Variants in OTOF observed in about 807,000 individuals in gnomAD.
OTOF encodes fer-1-like family member 2.
In OTOF, 218 loss-of-function variants were observed where a neutral mutation model predicts 236.8. The ratio of observed to expected loss-of-function variants is 0.92; its 90% CI spans 0.82 to 1.03. The LOEUF (loss-of-function observed/expected upper bound fraction) is 1.03, where lower values mean the gene tolerates loss of function less well. Among genes scored for constraint, OTOF ranks in the 50% least tolerant of loss-of-function variants. The pLI is 0.00. For missense variants in OTOF, 2,590 were observed against 2,694.4 expected (o/e 0.96, Z 0.86); for synonymous variants, 1,041 against 1,072.5 (o/e 0.97, Z 0.57).
chr2:26,459,424 T>G (rs923591033), intron 46 of OTOF, among the ~76,000 whole-genome samples: 1 of 151,710 alleles, frequency 6.6e-6, no homozygotes, highest in Non-Finnish European at 1.5e-5. Context: ...TGGTGGCGGG[T>G]GCCTGTAGTC....
intron 3 of OTOF, among the ~76,000 whole-genome samples, chr2:26,526,254 GTGAA>G (rs1476404923): frequency 2.0e-5 from 3 of 151,634 alleles, no homozygotes; most frequent in Admixed American, 6.6e-5. Flanking sequence ...GGAAGGATGG[GTGAA>G]TGGATGGATG....
At chr2:26,494,415 C>T (rs1357804483) in intron 9 of OTOF, among the ~76,000 whole-genome samples, 1 of 152,248 alleles carries the variant, frequency 6.6e-6, no homozygotes, top group East Asian at 1.9e-4. Flanking sequence ...ACGCCAAGGG[C>T]GATGCTGGCA....
intron 34 of OTOF, 28 bp from the exon 35 acceptor site, chr2:26,467,261 G>A (rs1430252624): frequency 7.4e-6 from 12 of 1,614,034 alleles, no homozygotes; most frequent in Middle Eastern, 1.6e-4. Flanking sequence ...GTTAGGGGGC[G>A]GCTGCCTGGT....
intron 35 of OTOF, 37 bp downstream of exon 35, chr2:26,467,062 G>C: frequency 6.2e-7 from 1 of 1,609,680 alleles, no homozygotes; most frequent in Non-Finnish European, 8.5e-7. Context: ...GCAAGGGCTG[G>C]CGGGTGCTCA....
intron 2 of OTOF, among the ~76,000 whole-genome samples, chr2:26,534,532 T>C (rs1667022416): frequency 6.6e-6 from 1 of 152,154 alleles, no homozygotes; most frequent in African/African-American, 2.4e-5. Context: ...CCACTCAGGT[T>C]CCTAAGCCCA....
At chr2:26,465,360 A>G (rs1050153288) in intron 38 of OTOF, among the ~76,000 whole-genome samples, 1 of 152,218 alleles carries the variant, frequency 6.6e-6, no homozygotes, top group African/African-American at 2.4e-5. Context: ...CACACAGCCT[A>G]TAAGTGGCAG....
rs1664267339 is a variant in OTOF at position 26,458,003 on chromosome 2, G to T, written c.*235C>A. 1.3e-6 allele frequency: 2 copies of T among 1,592,564 alleles called. No homozygotes were observed. Among genetic ancestry groups the T allele is most frequent in the Non-Finnish European group, 1.7e-6 (2 of 1,165,154 alleles). ...GTCCAAGCCACTGAAAGGAAATGCG[G>T]CAGGGCTGGGGAGCGGCTGGCGGGA... On this transcript the variant is annotated 3_prime_UTR_variant, in exon 47 of 47. Coordinates refer to ENST00000272371, the MANE Select transcript of OTOF (RefSeq NM_194248.3).
Position 26,461,944 on chromosome 2 carries a change from G to C in OTOF, c.5292-7C>G, listed in dbSNP as rs1056283247. 6.2e-7 allele frequency: 1 copy of C among 1,614,016 alleles called. No individual in the cohort carries two copies. Among genetic ancestry groups the C allele is most frequent in the Admixed American group, 1.7e-5 (1 of 60,008 alleles). ...CTGCTGGCCCTTCAGCCACCTGTGG[G>C]CGCCACATCTCCAGACCCGCAGCCA... On this transcript the variant is annotated splice_polypyrimidine_tract_variant and splice_region_variant and intron_variant, in intron 42 of 46. Transcript: ENST00000272371. The surrounding 1 kb of genome is among the most constrained non-coding windows in gnomAD (Gnocchi z 6.2).
chr2:26,548,003 T>C (rs554149202), intron 1 of OTOF, among the ~76,000 whole-genome samples: 3 of 152,358 alleles, frequency 2.0e-5, no homozygotes, highest in African/African-American at 7.2e-5. Context: ...TTTCTTTTTC[T>C]GTCAGTTTTG....
At chr2:26,527,752 C>T (rs1297922408) in intron 3 of OTOF, 80 bp downstream of exon 3, 3 of 1,058,570 alleles carry the variant, frequency 2.8e-6, no homozygotes, top group Non-Finnish European at 4.5e-6. Flanking sequence ...TTTTAAGCCC[C>T]AAACAGAGGG....
intron 30 of OTOF, among the ~76,000 whole-genome samples, chr2:26,471,504 G>A (rs1024884678): frequency 6.6e-6 from 1 of 152,184 alleles, no homozygotes; most frequent in Non-Finnish European, 1.5e-5. Flanking sequence ...CCAAAGCCAG[G>A]AGGAATAAGG....
intron 3 of OTOF, among the ~76,000 whole-genome samples, chr2:26,520,809 A>C (rs1033815343): frequency 6.6e-6 from 1 of 152,230 alleles, no homozygotes; most frequent in South Asian, 2.1e-4. Flanking sequence ...GCACGAAAAA[A>C]TACACTCATC....
chr2:26,483,027 G>GTGTGTGAGTGGGTGCATGTGTGCA (rs1665601028), intron 13 of OTOF, among the ~76,000 whole-genome samples: 4 of 150,320 alleles, frequency 2.7e-5, no homozygotes, highest in African/African-American at 9.8e-5. Flanking sequence ...GTGTGTGTGC[G>GTGTGTGAGTGGGTGCATGTGTGCA]TGTGTGAGTG....
chr2:26,457,661 A>G lies in OTOF; in HGVS notation c.*577T>C, dbSNP rs1172029434. 8.7e-6 allele frequency: 2 copies of G among 229,498 alleles called. No homozygotes were observed. Among genetic ancestry groups the G allele is most frequent in the Non-Finnish European group, 1.7e-5 (2 of 115,692 alleles). The allele number at this position is 229,498 out of a possible 1,614,324, so 14.2% of individuals were successfully genotyped here. The stretch of plus-strand genomic sequence containing the variant: ...TTTTTAAAGCCCTGGGCACTGACCC[A>G]TGGTCCTTGGTTAATTTCACTAAAG... On this transcript the variant is annotated 3_prime_UTR_variant, in exon 47 of 47. Transcript: ENST00000272371. This position sits in a 1 kb window ranked among gnomAD's most constrained non-coding sequence, Gnocchi z 4.4.
chr2:26,557,986 G>A (rs1210577941), intron 1 of OTOF, among the ~76,000 whole-genome samples: 1 of 151,892 alleles, frequency 6.6e-6, no homozygotes, highest in Non-Finnish European at 1.5e-5. Flanking sequence ...GGCTCCCGGG[G>A]TTCCCGCCCA....
rs765616249 is a variant in OTOF, at chr2:26,464,039, G to A, written c.5028C>T (p.Arg1676=). The A allele has an allele frequency of 1.9e-5, 30 of 1,613,582 alleles. No homozygotes were observed. Among genetic ancestry groups the A allele is most frequent in the East Asian group, 8.9e-5 (4 of 44,880 alleles). The change falls in exon 40 of 47, where the codon CGC becomes CGT. Residue 1676 remains arginine, a synonymous_variant. Coordinates refer to ENST00000272371, the MANE Select transcript of OTOF (RefSeq NM_194248.3). ...GCTCTGGCACCAGGCGGCAGCCTGC[G>A]CGGGGGATGTCCTCCCAGTGCCTCA... ...LALRHWEDIP[R]AGCRLVPEHV...
rs1572507243 is a variant in OTOF, at chr2:26,558,577, T to A, written c.-6A>T. 16 of 1,613,062 alleles carry A rather than the reference T, an allele frequency of 9.9e-6. 1 individual carries two copies. The East Asian group carries it at 3.6e-4, about 36-fold the overall frequency. On this transcript the variant is annotated 5_prime_UTR_variant, in exon 1 of 47. Transcript: ENST00000272371. Reference sequence around the variant, plus strand: ...AGGTGGATGAGCAAGGCCATGCTGGTGTGGGCTGCCTGGCACTGCCAGGCA... The same window carrying A: ...AGGTGGATGAGCAAGGCCATGCTGGAGTGGGCTGCCTGGCACTGCCAGGCA...
At chr2:26,504,230 C>T (rs1666192360) in intron 5 of OTOF, among the ~76,000 whole-genome samples, 1 of 152,212 alleles carries the variant, frequency 6.6e-6, no homozygotes. Flanking sequence ...CTGCCAGTGT[C>T]CCCACGCTCA....
At chr2:26,471,002 G>A in intron 31 of OTOF, 119 bp downstream of exon 31, 7 of 1,313,696 alleles carry the variant, frequency 5.3e-6, no homozygotes, top group Non-Finnish European at 7.7e-6. Context: ...GAGGTGTGCT[G>A]GCCCAAGCAT....
Sources: gnomAD v4.1 joint callset for allele counts (sites outside exome capture counted in the v4.1 genomes callset) on GRCh38, gnomAD v4.1.1 for gene constraint, Gnocchi (gnomAD v3.1) non-coding constraint, MANE v1.5 for transcripts, NCBI Gene and HGNC (gene_info 2026-07-23, HGNC 2026-07-21) for gene names.